Variants in GRM5 observed in about 807,000 individuals in gnomAD.
The protein encoded by GRM5 is metabotropic glutamate receptor 5.
A neutral mutation model predicts 83.1 loss-of-function variants in GRM5; 19 were observed. The observed-to-expected ratio is 0.23, with a 90% CI of 0.16 to 0.34. GRM5 has a LOEUF of 0.34. Among genes scored for constraint, GRM5 ranks in the 10% least tolerant of loss-of-function variants. GRM5 has a pLI of 1.00. For missense variants in GRM5, 1,160 were observed against 1,588.3 expected, an observed-to-expected ratio of 0.73 and a Z score of 4.58; for synonymous variants, 675 against 633.6, an observed-to-expected ratio of 1.07 and a Z score of -0.98.
At chr11:89,036,814 A>C (rs1441605353) in intron 2 of GRM5, among the ~76,000 whole-genome samples, 55 of 152,148 alleles carry the variant, frequency 3.6e-4, no homozygotes, top group Non-Finnish European at 4.4e-5. Flanking sequence ...CAAACTGTGA[A>C]TTTAAGTTAT....
chr11:88,631,432 C>T (rs1938968027), intron 4 of GRM5, among the ~76,000 whole-genome samples: 2 of 152,174 alleles, frequency 1.3e-5, no homozygotes, highest in South Asian at 4.2e-4. Context: ...AACCTAAATG[C>T]AAATATTTTC....
At chr11:88,618,138 T>C (rs911656608) in intron 4 of GRM5, among the ~76,000 whole-genome samples, 1 of 152,150 alleles carries the variant, frequency 6.6e-6, no homozygotes, top group African/African-American at 2.4e-5. Flanking sequence ...AAACTGACAG[T>C]TGGAGGCGCA....
At chr11:88,786,597 G>A (rs186517854) in intron 3 of GRM5, among the ~76,000 whole-genome samples, 1 of 152,132 alleles carries the variant, frequency 6.6e-6, no homozygotes, top group East Asian at 1.9e-4. Flanking sequence ...CCCTCAACCT[G>A]GAGAGCTCTT....
intron 3 of GRM5, among the ~76,000 whole-genome samples, chr11:88,801,159 T>C (rs573697873): frequency 6.6e-6 from 1 of 152,148 alleles, no homozygotes; most frequent in East Asian, 1.9e-4. Flanking sequence ...CTTGTAGAGA[T>C]TTTAAGTTCC....
intron 3 of GRM5, among the ~76,000 whole-genome samples, chr11:88,783,093 G>T (rs2135465135): frequency 6.6e-6 from 1 of 152,122 alleles, no homozygotes; most frequent in East Asian, 1.9e-4. Context: ...GTGCTAACTG[G>T]TGGTATTTAA....
intron 3 of GRM5, among the ~76,000 whole-genome samples, chr11:88,722,060 A>G (rs1941554670): frequency 6.6e-6 from 1 of 152,154 alleles, no homozygotes; most frequent in Admixed American, 6.6e-5. Flanking sequence ...TTAATTAGCA[A>G]AGCAGTGAGA....
At position 88,978,474 on chromosome 11, in the gene GRM5, T is replaced by TAAAAAAAAAAAAAAAAAAAAAA. The variant is rs200343438; in HGVS notation, c.661+68716_661+68737dup. On this transcript the variant is annotated intron_variant, in intron 2 of 9. Coordinates refer to ENST00000305447, the MANE Select transcript of GRM5 (RefSeq NM_001143831.3). The stretch of plus-strand genomic sequence containing the variant: ...TAACATTAACAACAGCAGATGAGCT[T>TAAAAAAAAAAAAAAAAAAAAAA]AAAAAAAAAAAAAAAAAAAAAAAAA... Among the ~76,000 whole-genome samples the TAAAAAAAAAAAAAAAAAAAAAA allele has an allele frequency of 1.1e-4, 11 of 97,988 alleles. 1 individual carries two copies. Among genetic ancestry groups the TAAAAAAAAAAAAAAAAAAAAAA allele is most frequent in the Non-Finnish European group, 1.7e-4 (8 of 47,582 alleles). 64.3% of individuals were successfully genotyped at this position (97,988 alleles called of 152,430 possible).
At chr11:88,967,281 T>C in intron 2 of GRM5, among the ~76,000 whole-genome samples, 1 of 145,584 alleles carries the variant, frequency 6.9e-6, no homozygotes, top group South Asian at 2.1e-4. Context: ...ATATATAAAA[T>C]CTTCTGAAGA....
chr11:88,813,339 C>A (rs1187889167), intron 3 of GRM5, among the ~76,000 whole-genome samples: 1 of 151,626 alleles, frequency 6.6e-6, no homozygotes, highest in Non-Finnish European at 1.5e-5. Context: ...AGGGGAGCAC[C>A]CCAGGCTGGG....
chr11:88,871,639 A>C (rs1178054591), intron 2 of GRM5, among the ~76,000 whole-genome samples: 1 of 151,510 alleles, frequency 6.6e-6, no homozygotes, highest in Non-Finnish European at 1.5e-5. Context: ...AAATGAAAGA[A>C]AGGAGAGAAT....
At chr11:88,837,540 C>T (rs1262167639) in intron 3 of GRM5, among the ~76,000 whole-genome samples, 1 of 152,128 alleles carries the variant, frequency 6.6e-6, no homozygotes, top group African/African-American at 2.4e-5. Context: ...AACAAATGTT[C>T]GCAGTGTAAT....
intron 2 of GRM5, among the ~76,000 whole-genome samples, chr11:88,918,755 G>A (rs1378259372): frequency 1.0e-4 from 4 of 38,706 alleles, no homozygotes; most frequent in Non-Finnish European, 2.9e-4. Context: ...CAAGAAGTAT[G>A]AAGTTAAATG....
At chr11:88,683,628 A>G (rs1940549653) in intron 3 of GRM5, among the ~76,000 whole-genome samples, 1 of 152,180 alleles carries the variant, frequency 6.6e-6, no homozygotes, top group South Asian at 2.1e-4. Context: ...ATATAAATTA[A>G]TTTATAGTTG....
chr11:88,510,066 T>C (rs1483686486), intron 9 of GRM5, among the ~76,000 whole-genome samples: 1 of 152,216 alleles, frequency 6.6e-6, no homozygotes, highest in Non-Finnish European at 1.5e-5. Flanking sequence ...GGGTTTTCTG[T>C]CTGAACCCCT....
chr11:88,693,191 T>C (rs78970798), intron 3 of GRM5, among the ~76,000 whole-genome samples: 12 of 152,220 alleles, frequency 7.9e-5, no homozygotes, highest in African/African-American at 2.4e-4. Context: ...GAGGTCCTAC[T>C]ACCTACAAAA....
intron 3 of GRM5, among the ~76,000 whole-genome samples, chr11:88,656,501 T>C (rs985629295): frequency 6.6e-6 from 1 of 152,216 alleles, no homozygotes; most frequent in African/African-American, 2.4e-5. Context: ...CTGAAGTTCA[T>C]GTCCCCATCT....
chr11:88,962,741 A>G (rs568676780), intron 2 of GRM5, among the ~76,000 whole-genome samples: 3 of 152,282 alleles, frequency 2.0e-5, no homozygotes, highest in East Asian at 3.9e-4. Context: ...ATCTAGAAAA[A>G]AATAATGTGA....
chr11:89,015,668 C>T (rs1940834697), intron 2 of GRM5, among the ~76,000 whole-genome samples: 1 of 152,142 alleles, frequency 6.6e-6, no homozygotes, highest in South Asian at 2.1e-4. Flanking sequence ...GCACTAAATA[C>T]CATTTTCCAG....
intron 3 of GRM5, among the ~76,000 whole-genome samples, chr11:88,655,307 T>G (rs1183754349): frequency 6.6e-6 from 1 of 152,078 alleles, no homozygotes; most frequent in African/African-American, 2.4e-5. Flanking sequence ...TTGGAGGGTT[T>G]ATTATATCAC....
Sources: allele counts gnomAD v4.1 joint callset (sites outside exome capture counted in the v4.1 genomes callset), GRCh38; gene constraint gnomAD v4.1.1; transcripts MANE v1.5; gene names NCBI Gene and HGNC (gene_info 2026-07-23, HGNC 2026-07-21).